Variants in CNTNAP2 observed in about 807,000 individuals in gnomAD.
The protein encoded by CNTNAP2 is contactin-associated protein-like 2.
In CNTNAP2, 98 loss-of-function variants were observed where a neutral mutation model predicts 155.2. The observed-to-expected ratio is 0.63, with a 90% CI of 0.54 to 0.75. The LOEUF (loss-of-function observed/expected upper bound fraction) is 0.75. Among genes scored for constraint, CNTNAP2 ranks in the 30% least tolerant of loss-of-function variants. CNTNAP2 has a pLI of 0.00. For missense variants in CNTNAP2, 1,727 were observed against 1,688.1 expected, an observed-to-expected ratio of 1.02 and a Z score of -0.40; for synonymous variants, 651 against 631.2, an observed-to-expected ratio of 1.03 and a Z score of -0.47.
intron 1 of CNTNAP2, among the ~76,000 whole-genome samples, chr7:146,124,220 A>C (rs1797603293): frequency 6.6e-6 from 1 of 152,172 alleles, no homozygotes. Context: ...CACGTTCTGC[A>C]CATGTATCCC....
chr7:147,117,082 C>G (rs1222415730), intron 5 of CNTNAP2, among the ~76,000 whole-genome samples: 1 of 152,184 alleles, frequency 6.6e-6, no homozygotes, highest in African/African-American at 2.4e-5. Flanking sequence ...AAATGGGGCC[C>G]ACAGAACAAT....
intron 13 of CNTNAP2, among the ~76,000 whole-genome samples, chr7:147,749,124 A>T (rs1292014158): frequency 6.6e-6 from 1 of 152,252 alleles, no homozygotes; most frequent in Non-Finnish European, 1.5e-5. Context: ...AAGTCAAAAG[A>T]ATAAAATAAA....
At chr7:146,234,951 AT>A (rs1799447166) in intron 1 of CNTNAP2, among the ~76,000 whole-genome samples, 1 of 152,156 alleles carries the variant, frequency 6.6e-6, no homozygotes, top group Non-Finnish European at 1.5e-5. Flanking sequence ...GATTTTATTT[AT>A]TCCTTGGAGA....
At chr7:148,385,284 G>T (rs1799166001) in intron 22 of CNTNAP2, among the ~76,000 whole-genome samples, 1 of 152,200 alleles carries the variant, frequency 6.6e-6, no homozygotes, top group Admixed American at 6.5e-5. Context: ...GTGAGCTAAG[G>T]GCACGTATGA....
intron 1 of CNTNAP2, among the ~76,000 whole-genome samples, chr7:146,460,035 A>T (rs1169332387): frequency 6.6e-6 from 1 of 152,144 alleles, no homozygotes; most frequent in African/African-American, 2.4e-5. Context: ...GAGGCAGAAC[A>T]GAGGAAGTTT....
intron 1 of CNTNAP2, among the ~76,000 whole-genome samples, chr7:146,417,115 A>T (rs1304345136): frequency 6.6e-6 from 1 of 152,130 alleles, no homozygotes; most frequent in African/African-American, 2.4e-5. Flanking sequence ...ATTCTTAACT[A>T]TGTCTGTACA....
At chr7:147,445,774 C>T (rs1797724689) in intron 10 of CNTNAP2, among the ~76,000 whole-genome samples, 1 of 152,170 alleles carries the variant, frequency 6.6e-6, no homozygotes, top group African/African-American at 2.4e-5. Flanking sequence ...CCTTCTTTCT[C>T]TCTTTTTCTT....
intron 23 of CNTNAP2, among the ~76,000 whole-genome samples, chr7:148,411,979 T>C (rs6464890): frequency 0.58 from 88,010 of 150,688 alleles, 26,646 homozygotes; most frequent in African/African-American, 0.67. Flanking sequence ...GAGTCTTGCT[T>C]TGTTGCCAGG....
At chr7:146,367,345 A>T (rs138083953) in intron 1 of CNTNAP2, among the ~76,000 whole-genome samples, 2 of 152,204 alleles carry the variant, frequency 1.3e-5, no homozygotes, top group Non-Finnish European at 2.9e-5. Context: ...TATACATTTC[A>T]TTCTATGCCT....
intron 21 of CNTNAP2, among the ~76,000 whole-genome samples, chr7:148,307,206 C>T (rs1347294102): frequency 6.6e-6 from 1 of 152,170 alleles, no homozygotes; most frequent in Non-Finnish European, 1.5e-5. Flanking sequence ...AACTGAGAGT[C>T]TCTGTGTCCT....
At chr7:146,557,903 T>G (rs557374089) in intron 1 of CNTNAP2, among the ~76,000 whole-genome samples, 51 of 152,224 alleles carry the variant, frequency 3.4e-4, no homozygotes, top group Non-Finnish European at 5.9e-4. Context: ...TATCATCTCA[T>G]GTTAAAATGA....
intron 3 of CNTNAP2, among the ~76,000 whole-genome samples, chr7:146,840,710 C>T (rs1803705985): frequency 6.6e-6 from 1 of 152,082 alleles, no homozygotes; most frequent in Non-Finnish European, 1.5e-5. Flanking sequence ...AGTTGGAGTG[C>T]TGGATATTTT....
intron 13 of CNTNAP2, among the ~76,000 whole-genome samples, chr7:147,739,971 A>G (rs1796928154): frequency 6.6e-6 from 1 of 152,112 alleles, no homozygotes; most frequent in Non-Finnish European, 1.5e-5. Flanking sequence ...CATCCTTCAC[A>G]TAGTCTTACA....
intron 14 of CNTNAP2, among the ~76,000 whole-genome samples, chr7:147,975,577 T>A (rs1801415277): frequency 6.6e-6 from 1 of 152,170 alleles, no homozygotes; most frequent in South Asian, 2.1e-4. Context: ...GCACCTTCTC[T>A]TCCTACAGGA....
chr7:148,056,979 C>G (rs1276710501), intron 15 of CNTNAP2, among the ~76,000 whole-genome samples: 1 of 152,188 alleles, frequency 6.6e-6, no homozygotes, highest in East Asian at 1.9e-4. Context: ...TATAGACAAA[C>G]AGACCTGGGT....
At chr7:146,361,138 G>T (rs568756658) in intron 1 of CNTNAP2, among the ~76,000 whole-genome samples, 1 of 152,252 alleles carries the variant, frequency 6.6e-6, no homozygotes, top group South Asian at 2.1e-4. Context: ...ACCTGTGGAA[G>T]AAAAATGACA....
At chr7:146,358,001 T>C (rs2129100194) in intron 1 of CNTNAP2, among the ~76,000 whole-genome samples, 1 of 149,640 alleles carries the variant, frequency 6.7e-6, no homozygotes, top group Non-Finnish European at 1.5e-5. Flanking sequence ...GGCAGCTTTA[T>C]TTATTTATTT....
chr7:146,596,360 T>C (rs967341004), intron 1 of CNTNAP2, among the ~76,000 whole-genome samples: 2 of 151,698 alleles, frequency 1.3e-5, no homozygotes, highest in Admixed American at 6.6e-5. Flanking sequence ...TGTCAGGTGA[T>C]GAAAAGGCTG....
chr7:146,930,367 C>T (rs922777920), intron 3 of CNTNAP2, among the ~76,000 whole-genome samples: 1 of 151,992 alleles, frequency 6.6e-6, no homozygotes, highest in Non-Finnish European at 1.5e-5. Flanking sequence ...GAAATAAAAT[C>T]CTTTACAGAC....
Sources: gnomAD v4.1 joint callset for allele counts (sites outside exome capture counted in the v4.1 genomes callset) on GRCh38, gnomAD v4.1.1 for gene constraint, MANE v1.5 for transcripts, NCBI Gene and HGNC (gene_info 2026-07-23, HGNC 2026-07-21) for gene names.